GPR39: variants seen among roughly 807,000 people sequenced by gnomAD.
GPR39 encodes the protein G protein-coupled receptor 39.
In GPR39, 23 loss-of-function variants were observed where a neutral mutation model predicts 18.4. That is an observed-to-expected ratio of 1.25 (90% CI 0.90 to 1.77). The LOEUF is 1.77. GPR39 is among the 40% of genes most tolerant of loss of function. The pLI is 0.00. For missense variants in GPR39, 647 were observed against 602.4 expected, an observed-to-expected ratio of 1.07 and a Z score of -0.78; for synonymous variants, 280 against 257.9, an observed-to-expected ratio of 1.09 and a Z score of -0.82.
chr2:132,428,271 A>C (rs1266303025), intron 1 of GPR39, among the ~76,000 whole-genome samples: 1 of 152,178 alleles, frequency 6.6e-6, no homozygotes, highest in African/African-American at 2.4e-5. Flanking sequence ...TCATTCATCA[A>C]GTATTTATGA....
chr2:132,508,787 A>G (rs915292439), intron 1 of GPR39, among the ~76,000 whole-genome samples: 1 of 152,212 alleles, frequency 6.6e-6, no homozygotes, highest in African/African-American at 2.4e-5. Flanking sequence ...TTTCACAGAC[A>G]GAGACATTGG....
chr2:132,505,326 A>G (rs1679116487), intron 1 of GPR39, among the ~76,000 whole-genome samples: 1 of 152,216 alleles, frequency 6.6e-6, no homozygotes, highest in African/African-American at 2.4e-5. Context: ...TTGCATGCAT[A>G]GAATGTGTAG....
chr2:132,614,456 G>A (rs931376091), intron 1 of GPR39, among the ~76,000 whole-genome samples: 4 of 151,864 alleles, frequency 2.6e-5, no homozygotes, highest in African/African-American at 7.3e-5. Context: ...TCTTGACCTC[G>A]TCTTGATCTC....
chr2:132,497,982 T>C (rs1681679758), intron 1 of GPR39, among the ~76,000 whole-genome samples: 1 of 152,232 alleles, frequency 6.6e-6, no homozygotes, highest in South Asian at 2.1e-4. Context: ...GCATTTATCA[T>C]TGAATCTGCA....
intron 1 of GPR39, among the ~76,000 whole-genome samples, chr2:132,491,646 A>G (rs1356725374): frequency 6.6e-6 from 1 of 151,924 alleles, no homozygotes; most frequent in East Asian, 1.9e-4. Flanking sequence ...TTTGAGTTTT[A>G]GATGGCACTG....
chr2:132,553,815 A>G (rs571015741), intron 1 of GPR39, among the ~76,000 whole-genome samples: 1 of 152,246 alleles, frequency 6.6e-6, no homozygotes, highest in African/African-American at 2.4e-5. Flanking sequence ...GAAACCCACA[A>G]GCAGATTCTT....
At chr2:132,497,938 C>T (rs768690586) in intron 1 of GPR39, among the ~76,000 whole-genome samples, 17 of 152,158 alleles carry the variant, frequency 1.1e-4, no homozygotes, top group Non-Finnish European at 2.1e-4. Context: ...GAAAAACAAC[C>T]TGGATTCTGG....
chr2:132,555,913 G>A (rs1363898348), intron 1 of GPR39, among the ~76,000 whole-genome samples: 2 of 152,150 alleles, frequency 1.3e-5, no homozygotes, highest in East Asian at 3.9e-4. Context: ...TCCCAAACTT[G>A]AGTGTTCATT....
intron 1 of GPR39, among the ~76,000 whole-genome samples, chr2:132,434,869 T>A (rs1680284855): frequency 6.6e-6 from 1 of 151,962 alleles, no homozygotes; most frequent in Non-Finnish European, 1.5e-5. Flanking sequence ...AAGATATGGG[T>A]CTTAGAGACA....
chr2:132,602,838 G>C (rs1279137512), intron 1 of GPR39, among the ~76,000 whole-genome samples: 1 of 141,320 alleles, frequency 7.1e-6, no homozygotes, highest in African/African-American at 2.6e-5. Flanking sequence ...ACAGAGATCA[G>C]AGACCTTTTT....
chr2:132,582,485 T>C lies in GPR39; in HGVS notation c.857-62616T>C, dbSNP rs1680641734. Among the ~76,000 whole-genome samples, 3 of 152,332 alleles carry C rather than the reference T, an allele frequency of 2.0e-5. No homozygotes were observed. The South Asian group carries it at 6.2e-4, about 32-fold the overall frequency. On this transcript the variant is annotated intron_variant, in intron 1 of 1. Coordinates refer to ENST00000329321, the MANE Select transcript of GPR39 (RefSeq NM_001508.3). The stretch of plus-strand genomic sequence containing the variant: ...CCAGATGAGTGTTTGCTGGCTCCAT[T>C]CTCCAGCTTAGACTAGAGCTGGGGA...
At chr2:132,643,552 C>T (rs1681908690) in intron 1 of GPR39, among the ~76,000 whole-genome samples, 1 of 152,216 alleles carries the variant, frequency 6.6e-6, no homozygotes. Flanking sequence ...TTCACTCTGT[C>T]AGCCAGGCTG....
intron 1 of GPR39, among the ~76,000 whole-genome samples, chr2:132,613,467 C>T (rs1412237436): frequency 6.6e-6 from 1 of 152,196 alleles, no homozygotes; most frequent in Non-Finnish European, 1.5e-5. Context: ...CCTTCTGAGA[C>T]TGGGTGTACT....
At chr2:132,485,099 C>A (rs1375581892) in intron 1 of GPR39, among the ~76,000 whole-genome samples, 2 of 152,130 alleles carry the variant, frequency 1.3e-5, no homozygotes, top group Non-Finnish European at 2.9e-5. Flanking sequence ...ATTCCAGACC[C>A]CTGCAAGAAA....
chr2:132,612,996 A>C (rs1049391478), intron 1 of GPR39, among the ~76,000 whole-genome samples: 6 of 152,176 alleles, frequency 3.9e-5, no homozygotes, highest in African/African-American at 7.2e-5. Context: ...TATGCTTTTC[A>C]ATGTAGAGGT....
intron 1 of GPR39, among the ~76,000 whole-genome samples, chr2:132,577,243 G>A (rs1451179463): frequency 6.6e-6 from 1 of 152,004 alleles, no homozygotes; most frequent in Non-Finnish European, 1.5e-5. Context: ...TGTAGGCCCA[G>A]CTACTTTGGA....
intron 1 of GPR39, among the ~76,000 whole-genome samples, chr2:132,594,421 G>A (rs1680901578): frequency 1.3e-5 from 2 of 151,712 alleles, no homozygotes. Context: ...TTTTATGCAG[G>A]GATGTTAAAG....
In GPR39 at chr2:132,441,969, C is replaced by T. The variant is rs143593543; in HGVS notation, c.856+24071C>T. On this transcript the variant is annotated intron_variant, in intron 1 of 1. Coordinates refer to ENST00000329321, the MANE Select transcript of GPR39 (RefSeq NM_001508.3). ...TGGTGTGTGTTCCCAGGGTGTTTCT[C>T]CTTGAAAATGCAGTTTTTTTTCTTC... 3.3e-5 allele frequency among the ~76,000 whole-genome samples: 5 copies of T among 152,246 alleles called. No homozygotes were observed. The East Asian group carries it at 9.7e-4, about 29-fold the overall frequency.
intron 1 of GPR39, among the ~76,000 whole-genome samples, chr2:132,454,679 T>A (rs1330661753): frequency 1.3e-5 from 2 of 152,062 alleles, no homozygotes; most frequent in East Asian, 3.9e-4. Context: ...TTATTGAGAG[T>A]TTTTAGCATG....
Sources: gnomAD v4.1 joint callset for allele counts (sites outside exome capture counted in the v4.1 genomes callset) on GRCh38, gnomAD v4.1.1 for gene constraint, MANE v1.5 for transcripts, NCBI Gene and HGNC (gene_info 2026-07-23, HGNC 2026-07-21) for gene names.